Variants in FNDC3B observed in about 807,000 individuals in gnomAD.
FNDC3B encodes the protein fibronectin type III domain containing 3B.
A neutral mutation model predicts 151.5 loss-of-function variants in FNDC3B; 12 were observed. The ratio of observed to expected loss-of-function variants is 0.08; its 90% CI spans 0.05 to 0.13. The LOEUF (loss-of-function observed/expected upper bound fraction) is 0.13, where lower values mean the gene tolerates loss of function less well. Among genes scored for constraint, FNDC3B ranks in the 10% least tolerant of loss-of-function variants. The pLI, the probability that FNDC3B is intolerant of heterozygous loss-of-function variation, is 1.00. For missense variants in FNDC3B, 1,214 were observed against 1,505.3 expected (o/e 0.81, Z 3.20); for synonymous variants, 528 against 549.0 (o/e 0.96, Z 0.54).
At chr3:172,345,212 CAAT>C (rs934008694) in intron 19 of FNDC3B, among the ~76,000 whole-genome samples, 19 of 152,166 alleles carry the variant, frequency 1.2e-4, no homozygotes, top group African/African-American at 3.1e-4. Context: ...TCAGACACAA[CAAT>C]GATACTTAAG....
At position 172,400,057 on chromosome 3, in the gene FNDC3B, A is replaced by G. The variant is rs1736497240; in HGVS notation, c.*2582A>G. The G allele has an allele frequency of 6.6e-6, 1 of 152,624 alleles. No homozygotes were observed. The highest frequency in any genetic ancestry group is 6.5e-5 in the Admixed American group (1 of 15,282). The allele number at this position is 152,624 out of a possible 1,614,324, so 9.5% of individuals were successfully genotyped here. On this transcript the variant is annotated 3_prime_UTR_variant, in exon 26 of 26. Transcript: ENST00000415807. ...GCACTGTTTTTTATCACAAATATGT[A>G]TATGTGATATTGATATATAACTATA...
intron 23 of FNDC3B, among the ~76,000 whole-genome samples, chr3:172,365,436 T>C (rs146517040): frequency 6.6e-6 from 1 of 152,224 alleles, no homozygotes; most frequent in Non-Finnish European, 1.5e-5. Flanking sequence ...ATTTTACTTT[T>C]CTTTCTTACC....
chr3:172,383,741 T>C (rs1434647211), intron 25 of FNDC3B, among the ~76,000 whole-genome samples: 1 of 152,162 alleles, frequency 6.6e-6, no homozygotes, highest in African/African-American at 2.4e-5. Flanking sequence ...AGATAAGAAA[T>C]TAGTTTTATC....
At chr3:172,122,301 C>G (rs13076782) in intron 2 of FNDC3B, among the ~76,000 whole-genome samples, 88,502 of 151,616 alleles carry the variant, frequency 0.58, 27,972 homozygotes, top group East Asian at 0.74. Flanking sequence ...TTTCTCTCTC[C>G]TACATTTCCA....
intron 23 of FNDC3B, among the ~76,000 whole-genome samples, chr3:172,373,150 C>A (rs549565244): frequency 3.9e-5 from 6 of 152,174 alleles, no homozygotes; most frequent in Non-Finnish European, 8.8e-5. Flanking sequence ...GAGCCCCACT[C>A]GCTGTTAGAA....
At chr3:172,107,280 AAGAAT>A (rs1427000669) in intron 1 of FNDC3B, among the ~76,000 whole-genome samples, 7 of 152,200 alleles carry the variant, frequency 4.6e-5, no homozygotes, top group African/African-American at 1.7e-4. Flanking sequence ...AAACAAAATA[AAGAAT>A]AGGAGAGAAA....
intron 3 of FNDC3B, among the ~76,000 whole-genome samples, chr3:172,151,647 G>A (rs1453790717): frequency 6.6e-6 from 1 of 152,178 alleles, no homozygotes; most frequent in Non-Finnish European, 1.5e-5. Flanking sequence ...TCCTAGATTA[G>A]TAGGTGATTT....
At chr3:172,220,894 A>G (rs1403445758) in intron 3 of FNDC3B, among the ~76,000 whole-genome samples, 1 of 151,912 alleles carries the variant, frequency 6.6e-6, no homozygotes, top group Non-Finnish European at 1.5e-5. Context: ...GTTTGAGATC[A>G]GCCTGGGCAA....
chr3:172,322,868 G>A (rs1165915804), intron 11 of FNDC3B, among the ~76,000 whole-genome samples: 1 of 152,112 alleles, frequency 6.6e-6, no homozygotes, highest in African/African-American at 2.4e-5. Flanking sequence ...GCTAGCAGAT[G>A]GAAGAGATCA....
intron 1 of FNDC3B, among the ~76,000 whole-genome samples, chr3:172,066,742 G>T (rs1401536526): frequency 1.3e-5 from 2 of 152,190 alleles, no homozygotes; most frequent in Admixed American, 1.3e-4. Flanking sequence ...GCTACACATG[G>T]AGAAGTGACA....
In FNDC3B at chr3:172,343,053, G is replaced by C; in HGVS notation, c.2014G>C (p.Gly672Arg). ...TGTTCGCACACTAAGCATTGCACCA[G>C]GTCAATGTCGACCACCGAGGGTTTT... ...LPVRTLSIAP[G>R]QCRPPRVLGR... Residue 672 changes from glycine (G) to arginine (R), a missense_variant, in exon 18 of 26, where the codon GGT (glycine) becomes CGT (arginine). Transcript: ENST00000415807. 5.0e-6 allele frequency: 8 copies of C among 1,612,688 alleles called. No individual in the cohort carries two copies. Among genetic ancestry groups the C allele is most frequent in the Non-Finnish European group, 6.8e-6 (8 of 1,179,468 alleles).
rs544667377 is a variant in FNDC3B, at chr3:172,078,204, T to G, written c.-28-34248T>G. ...CATGTTGGCCAGGCTGGTTTTGAAC[T>G]CCTGACCTCAGGTGATCCGCTTGCC... On this transcript the variant is annotated intron_variant, in intron 1 of 25. Transcript: ENST00000415807. Among the ~76,000 whole-genome samples, 48 of 152,332 alleles carry G rather than the reference T, an allele frequency of 3.2e-4. 1 individual carries two copies. The highest frequency in any genetic ancestry group is 2.9e-3 in the South Asian group (14 of 4,826).
At chr3:172,332,695 C>A (rs554058919) in intron 13 of FNDC3B, among the ~76,000 whole-genome samples, 1 of 152,266 alleles carries the variant, frequency 6.6e-6, no homozygotes, top group East Asian at 1.9e-4. Flanking sequence ...TCTCCCATGG[C>A]CAGAAGAGGG....
At chr3:172,207,641 CA>C (rs138150088) in intron 3 of FNDC3B, among the ~76,000 whole-genome samples, 2,460 of 152,264 alleles carry the variant, frequency 0.016, 63 homozygotes, top group African/African-American at 0.055. Flanking sequence ...TCCAATTGGC[CA>C]AAAGGCATCA....
intron 3 of FNDC3B, among the ~76,000 whole-genome samples, chr3:172,165,210 A>G (rs1483570781): frequency 1.3e-5 from 2 of 152,062 alleles, no homozygotes; most frequent in African/African-American, 2.4e-5. Context: ...GGATTTCACC[A>G]TGTTGCCCAG....
In FNDC3B at chr3:172,125,568, C is replaced by G. The variant is rs567560520; in HGVS notation, c.112-7903C>G. 6.6e-5 allele frequency among the ~76,000 whole-genome samples: 10 copies of G among 152,238 alleles called. No individual in the cohort carries two copies. In the South Asian group the frequency reaches 2.1e-3, roughly 32 times the overall value. On this transcript the variant is annotated intron_variant, in intron 2 of 25. Transcript: ENST00000415807. ...TTGCCTACCTTTTCTTCCCAAACCC[C>G]GTCCTTCATTTCCATTAAAAAATTG...
At chr3:172,100,173 A>T (rs566979025) in intron 1 of FNDC3B, among the ~76,000 whole-genome samples, 3 of 152,352 alleles carry the variant, frequency 2.0e-5, no homozygotes, top group Non-Finnish European at 4.4e-5. Flanking sequence ...CCCGTTAATG[A>T]ATTCCTTAAA....
chr3:172,320,686 T>C (rs1292816658), intron 11 of FNDC3B, among the ~76,000 whole-genome samples: 1 of 152,206 alleles, frequency 6.6e-6, no homozygotes, highest in Non-Finnish European at 1.5e-5. Flanking sequence ...TTAGAAATGT[T>C]AGTCAGGGCA....
chr3:172,228,197 G>A (rs1033551801), intron 4 of FNDC3B, among the ~76,000 whole-genome samples: 2 of 152,210 alleles, frequency 1.3e-5, no homozygotes. Context: ...AAGAATCACT[G>A]GAGGGAGAAA....
Sources: gnomAD v4.1 joint callset for allele counts (sites outside exome capture counted in the v4.1 genomes callset) on GRCh38, gnomAD v4.1.1 for gene constraint, MANE v1.5 for transcripts, NCBI Gene and HGNC (gene_info 2026-07-23, HGNC 2026-07-21) for gene names.